The following HNRNPA2B1 variants were observed in gnomAD, a reference collection of about 807,000 sequenced individuals.
HNRNPA2B1 encodes the protein heterogeneous nuclear ribonucleoprotein A2/B1.
A neutral mutation model predicts 46.3 loss-of-function variants in HNRNPA2B1; 3 were observed. The observed-to-expected ratio is 0.06, with a 90% confidence interval of 0.03 to 0.17. The LOEUF (loss-of-function observed/expected upper bound fraction) is 0.17, where lower values mean the gene tolerates loss of function less well. Among genes scored for constraint, HNRNPA2B1 ranks in the 10% least tolerant of loss-of-function variants. The probability of loss-of-function intolerance (pLI) is 1.00; values close to 1 mark genes in which losing one functional copy is unlikely to be tolerated. For missense variants in HNRNPA2B1, 221 were observed against 418.9 expected (o/e 0.53, Z 4.12); for synonymous variants, 225 against 133.8 (o/e 1.68, Z -4.70).
rs112928113 is a variant in HNRNPA2B1, at chr7:26,200,713, G to C, written c.-136C>G. 9 of 1,092,642 alleles carry C rather than the reference G, an allele frequency of 8.2e-6. No individual in the cohort carries two copies. The highest frequency in any genetic ancestry group is 4.6e-5 in the African/African-American group (3 of 65,084). The allele number at this position is 1,092,642 out of a possible 1,614,324, so 67.7% of individuals were successfully genotyped here. ...TGCTCGAGAAACAACTCTGCGAGGA[G>C]CACCTCCGCACGGGACCCGGCGCTG... On this transcript the variant is annotated 5_prime_UTR_variant, in exon 1 of 11. Transcript: ENST00000618183.
Position 26,200,586 on chromosome 7 carries a change from C to G in HNRNPA2B1, c.-9G>C. On this transcript the variant is annotated 5_prime_UTR_variant, in exon 1 of 11. Coordinates refer to ENST00000618183, the MANE Select transcript of HNRNPA2B1 (RefSeq NM_002137.4). ...AAACCCGTTACCTCCATCGCGGACT[C>G]AGTCGCTTCAGCCCGATTTCCCGCA... 1 of 1,613,586 alleles carries G rather than the reference C, an allele frequency of 6.2e-7. No homozygotes were observed. The highest frequency in any genetic ancestry group is 8.5e-7 in the Non-Finnish European group (1 of 1,180,004).
chr7:26,200,089 TAA>T (rs1223206823), intron 1 of HNRNPA2B1: 11 of 173,996 alleles, frequency 6.3e-5, no homozygotes, highest in African/African-American at 1.7e-4. Flanking sequence ...ACTAAGAAAA[TAA>T]AAGAGTTATA....
chr7:26,195,729 A>G, intron 7 of HNRNPA2B1, 118 bp downstream of exon 7: 2 of 1,150,668 alleles, frequency 1.7e-6, no homozygotes, highest in Non-Finnish European at 2.4e-6. Context: ...ACTATCACCC[A>G]AGCCATTTAT....
chr7:26,198,021 TATTAATTAA>T lies in HNRNPA2B1; in HGVS notation c.7-298_7-290del, dbSNP rs1554334801. The T allele has an allele frequency of 1.8e-4, 76 of 411,690 alleles. No individual in the cohort carries two copies. In the Middle Eastern group the frequency reaches 2.6e-3, roughly 14 times the overall value. The allele number at this position is 411,690 out of a possible 1,614,324, so 25.5% of individuals were successfully genotyped here. A position where few individuals can be genotyped will look rare whatever the true frequency, so the allele number is the denominator to read the frequency against. On this transcript the variant is annotated intron_variant, in intron 1 of 10. Transcript: ENST00000618183. ...TACTCAACATTAAATTATCTTAAAT[TATTAATTAA>T]AAAAAAAACTTTCTAAGGAAAAATA...
At chr7:26,196,760 A>T (rs757383904) in intron 4 of HNRNPA2B1, 47 bp downstream of exon 4, 1 of 1,579,986 alleles carries the variant, frequency 6.3e-7, no homozygotes, top group African/African-American at 1.4e-5. Flanking sequence ...CATACACAAA[A>T]TTGAATACAC....
Position 26,191,338 on chromosome 7 carries a change from C to T in HNRNPA2B1, c.*1022G>A, listed in dbSNP as rs907794659. 1 of 151,988 alleles carries T rather than the reference C, an allele frequency of 6.6e-6. No homozygotes were observed. Among genetic ancestry groups the T allele is most frequent in the African/African-American group, 2.4e-5 (1 of 41,378 alleles). The allele number at this position is 151,988 out of a possible 1,614,324, so 9.4% of individuals were successfully genotyped here. A position where few individuals can be genotyped will look rare whatever the true frequency, so the allele number is the denominator to read the frequency against. On this transcript the variant is annotated 3_prime_UTR_variant, in exon 11 of 11. Transcript: ENST00000618183. ...ATAGCTATGTTAAACTACGTAAGAACCACTATACTGAAAGACCATTTAAGA... is the reference window on the plus strand; with the variant it reads ...ATAGCTATGTTAAACTACGTAAGAATCACTATACTGAAAGACCATTTAAGA...
Position 26,200,685 on chromosome 7 carries a change from C to T in HNRNPA2B1, c.-108G>A. The T allele has an allele frequency of 1.4e-6, 2 of 1,403,224 alleles. No homozygotes were observed. The highest frequency in any genetic ancestry group is 2.0e-6 in the Non-Finnish European group (2 of 994,142). The allele number at this position is 1,403,224 out of a possible 1,614,324, so 86.9% of individuals were successfully genotyped here. On this transcript the variant is annotated 5_prime_UTR_variant, in exon 1 of 11. Transcript: ENST00000618183. Reference sequence around the variant, plus strand: ...GTCCTGGCGCTGTAGTGAGAACTGCCGCTGCTCGAGAAACAACTCTGCGAG... The same window carrying T: ...GTCCTGGCGCTGTAGTGAGAACTGCTGCTGCTCGAGAAACAACTCTGCGAG...
chr7:26,194,861 C>G (rs1291536010), intron 7 of HNRNPA2B1, among the ~76,000 whole-genome samples: 1 of 150,800 alleles, frequency 6.6e-6, no homozygotes. Flanking sequence ...TTTGGGAGGC[C>G]AAGGTGGGCA....
intron 7 of HNRNPA2B1, among the ~76,000 whole-genome samples, chr7:26,194,978 C>CAGCT (rs1220743953): frequency 6.6e-6 from 1 of 150,726 alleles, no homozygotes; most frequent in African/African-American, 2.4e-5. Flanking sequence ...CCGGTAATCC[C>CAGCT]AGCTACTCAG....
intron 1 of HNRNPA2B1, 21 bp downstream of exon 1, chr7:26,200,551 C>CA (rs1429073310): frequency 6.2e-7 from 1 of 1,612,854 alleles, no homozygotes; most frequent in East Asian, 2.2e-5. Flanking sequence ...TTCAATAACT[C>CA]ATTGATTTCA....
rs555060593 is a variant in HNRNPA2B1, at chr7:26,190,888, C to T, written c.*1472G>A. On this transcript the variant is annotated 3_prime_UTR_variant, in exon 11 of 11. Coordinates refer to ENST00000618183, the MANE Select transcript of HNRNPA2B1 (RefSeq NM_002137.4). ...ATACAACAAATGTCTTTAATAAAAACCCCTAGTTCACTCAAAATGTTTGAT... is the reference window on the plus strand; with the variant it reads ...ATACAACAAATGTCTTTAATAAAAATCCCTAGTTCACTCAAAATGTTTGAT... 4 of 152,666 alleles carry T rather than the reference C, an allele frequency of 2.6e-5. No homozygotes were observed. In the South Asian group the frequency reaches 6.2e-4, roughly 24 times the overall value. The allele number at this position is 152,666 out of a possible 1,614,324, so 9.5% of individuals were successfully genotyped here. A position where few individuals can be genotyped will look rare whatever the true frequency, so the allele number is the denominator to read the frequency against.
chr7:26,195,478 G>A lies in HNRNPA2B1; in HGVS notation c.721+369C>T, dbSNP rs550354394. On this transcript the variant is annotated intron_variant, in intron 7 of 10. Coordinates refer to ENST00000618183, the MANE Select transcript of HNRNPA2B1 (RefSeq NM_002137.4). The stretch of plus-strand genomic sequence containing the variant: ...CTGGGATGCTTCCCATCTAGTTACG[G>A]GTTTAGACATATTTCATATTTTTTC... Among the ~76,000 whole-genome samples, 7 of 151,948 alleles carry A rather than the reference G, an allele frequency of 4.6e-5. No individual in the cohort carries two copies. The South Asian group carries it at 1.5e-3, about 32-fold the overall frequency.
At position 26,197,527 on chromosome 7, in the gene HNRNPA2B1, G is replaced by A. The variant is rs879041943; in HGVS notation, c.118-66C>T. The A allele has an allele frequency of 9.1e-5, 144 of 1,581,244 alleles. 2 individuals carry two copies. The highest frequency in any genetic ancestry group is 8.1e-4 in the South Asian group (72 of 89,198). The stretch of plus-strand genomic sequence containing the variant: ...ATAGCTTATAAGTGAAGTCATAATA[G>A]AATTTTTTACTATGCTGATAGTTAT... On this transcript the variant is annotated intron_variant, in intron 2 of 10. Transcript: ENST00000618183.
chr7:26,198,744 G>GA (rs1166751342), intron 1 of HNRNPA2B1: 1 of 152,226 alleles, frequency 6.6e-6, no homozygotes, highest in African/African-American at 2.4e-5. Flanking sequence ...TCAAACGAGA[G>GA]AAAGTGATAT....
chr7:26,197,955 A>T, intron 1 of HNRNPA2B1: 1 of 809,682 alleles, frequency 1.2e-6, no homozygotes. Flanking sequence ...GCCTCAGCTG[A>T]TCTACACAAG....
chr7:26,195,073 A>G (rs1029490571), intron 7 of HNRNPA2B1, among the ~76,000 whole-genome samples: 35 of 144,620 alleles, frequency 2.4e-4, no homozygotes, highest in African/African-American at 8.9e-4. Context: ...AGCCTGGGTG[A>G]CAGAGCAAGG....
In HNRNPA2B1 at chr7:26,200,709, A is replaced by C; in HGVS notation, c.-132T>G. ...CCGCTGCTCGAGAAACAACTCTGCG[A>C]GGAGCACCTCCGCACGGGACCCGGC... On this transcript the variant is annotated 5_prime_UTR_variant, in exon 1 of 11. Transcript: ENST00000618183. The C allele has an allele frequency of 8.6e-7, 1 of 1,164,048 alleles. No individual in the cohort carries two copies. The highest frequency in any genetic ancestry group is 1.2e-5 in the South Asian group (1 of 82,144). The allele number at this position is 1,164,048 out of a possible 1,614,324, so 72.1% of individuals were successfully genotyped here.
chr7:26,199,516 G>A (rs941345408), intron 1 of HNRNPA2B1: 2 of 152,154 alleles, frequency 1.3e-5, no homozygotes, highest in Non-Finnish European at 2.9e-5. Flanking sequence ...AAGGTCCATG[G>A]ATCTGTCCCG....
intron 1 of HNRNPA2B1, chr7:26,199,769 G>C (rs918877042): frequency 6.6e-6 from 1 of 152,114 alleles, no homozygotes; most frequent in African/African-American, 2.4e-5. Context: ...AAAAAAGACA[G>C]GAAAAACATA....
Sources: gnomAD v4.1 joint callset for allele counts (sites outside exome capture counted in the v4.1 genomes callset) on GRCh38, gnomAD v4.1.1 for gene constraint, MANE v1.5 for transcripts, NCBI Gene and HGNC (gene_info 2026-07-23, HGNC 2026-07-21) for gene names.